DYNC2LI1: variants seen among roughly 807,000 people sequenced by gnomAD.
DYNC2LI1 encodes cytoplasmic dynein 2 light intermediate chain 1.
DYNC2LI1 carries 45 observed loss-of-function variants against 51.9 expected under a neutral mutation model. The observed-to-expected ratio is 0.87, with a 90% CI of 0.68 to 1.11. The LOEUF is 1.11. Among genes scored for constraint, DYNC2LI1 ranks in the 50% most tolerant of loss-of-function variants. The probability of loss-of-function intolerance (pLI) is 0.00; values close to 1 mark genes in which losing one functional copy is unlikely to be tolerated. For missense variants in DYNC2LI1, 490 were observed against 417.4 expected (o/e 1.17, Z -1.51); for synonymous variants, 130 against 137.8 (o/e 0.94, Z 0.40).
chr2:43,806,336 T>G (rs1157169089), intron 12 of DYNC2LI1, among the ~76,000 whole-genome samples: 1 of 152,232 alleles, frequency 6.6e-6, no homozygotes, highest in African/African-American at 2.4e-5. Flanking sequence ...GTCACGTTGT[T>G]GCGAGGGTAA....
At chr2:43,788,690 G>A (rs541612617) in intron 4 of DYNC2LI1, among the ~76,000 whole-genome samples, 2 of 152,276 alleles carry the variant, frequency 1.3e-5, no homozygotes, top group East Asian at 3.9e-4. Context: ...CAGGATCATA[G>A]CTCATGGCAG....
chr2:43,780,115 C>T (rs148196196), intron 2 of DYNC2LI1, among the ~76,000 whole-genome samples: 1 of 152,118 alleles, frequency 6.6e-6, no homozygotes, highest in Non-Finnish European at 1.5e-5. Context: ...TGTCAATGGA[C>T]ATTTGAGACC....
chr2:43,793,086 C>T (rs1473999358), intron 5 of DYNC2LI1: 1 of 220,954 alleles, frequency 4.5e-6, no homozygotes, highest in East Asian at 1.2e-4. Context: ...TACTATTTTA[C>T]ACAGTGGCTG....
intron 5 of DYNC2LI1, among the ~76,000 whole-genome samples, chr2:43,790,634 C>G (rs886562335): frequency 6.6e-5 from 10 of 151,304 alleles, no homozygotes; most frequent in Non-Finnish European, 1.3e-4. Context: ...TGTAAAAATA[C>G]TGAAAGACAC....
At chr2:43,808,653 A>G (rs1180967114) in intron 12 of DYNC2LI1, among the ~76,000 whole-genome samples, 1 of 152,222 alleles carries the variant, frequency 6.6e-6, no homozygotes, top group African/African-American at 2.4e-5. Context: ...ACTCCTTGTG[A>G]AAAAATTCAA....
Position 43,800,893 on chromosome 2 carries a change from A to T in DYNC2LI1, c.707A>T (p.Gln236Leu). 6.2e-7 allele frequency: 1 copy of T among 1,605,402 alleles called. No homozygotes were observed. The highest frequency in any genetic ancestry group is 8.5e-7 in the Non-Finnish European group (1 of 1,175,248). The change falls in exon 9 of 13, where the codon CAG (glutamine) becomes CTG (leucine). Residue 236 changes from glutamine to leucine, a missense_variant. Physicochemically the swap from Gln to Leu is moderately radical, Grantham distance 113 (BLOSUM62 -2). Coordinates refer to ENST00000260605, the MANE Select transcript of DYNC2LI1 (RefSeq NM_016008.4). ...CTAAAAATACGTGGAGTTATCAACC[A>T]GTTGGCATTTGGCATTGACAAAAGG... ...LLLKIRGVIN[Q>L]LAFGIDKSKS... is the part of the protein sequence containing the mutation.
At chr2:43,815,307 T>G in the DYNC2LI1 span, among the ~76,000 whole-genome samples, 1 of 152,226 alleles carries the variant, frequency 6.6e-6, no homozygotes, top group Non-Finnish European at 1.5e-5. Flanking sequence ...AAATTCTTTC[T>G]GTTTGCAAGG....
chr2:43,795,220 G>C (rs958592818), intron 6 of DYNC2LI1: 1 of 985,980 alleles, frequency 1.0e-6, no homozygotes, highest in African/African-American at 1.7e-5. Flanking sequence ...TTATAAGAAA[G>C]TGTAGCAGGG....
intron 9 of DYNC2LI1, 123 bp from the exon 10 acceptor site, chr2:43,801,516 G>A (rs1396228875): frequency 3.3e-6 from 2 of 598,700 alleles, no homozygotes; most frequent in Admixed American, 3.1e-5. Flanking sequence ...TTCATTCGGG[G>A]CAATGCTCTC....
At chr2:43,824,972 C>A in the DYNC2LI1 span, 1 of 1,614,010 alleles carries the variant, frequency 6.2e-7, no homozygotes, top group East Asian at 2.2e-5. Flanking sequence ...TGGCGTGCCA[C>A]AGAAAATCAG....
chr2:43,827,841 G>C, the DYNC2LI1 span: 1 of 1,333,900 alleles, frequency 7.5e-7, no homozygotes, highest in Non-Finnish European at 1.0e-6. Context: ...AAAAAACTGG[G>C]TCCTCAGTTT....
chr2:43,778,585 C>T (rs1412734274), intron 2 of DYNC2LI1, among the ~76,000 whole-genome samples: 2 of 152,156 alleles, frequency 1.3e-5, no homozygotes, highest in Non-Finnish European at 2.9e-5. Flanking sequence ...GAGTAAATAA[C>T]TAGTACTAGT....
At chr2:43,826,985 C>T in the DYNC2LI1 span, among the ~76,000 whole-genome samples, 5 of 152,322 alleles carry the variant, frequency 3.3e-5, no homozygotes, top group East Asian at 5.8e-4. Flanking sequence ...GTGTGGCAGG[C>T]ATTTGGGTTC....
intron 5 of DYNC2LI1, among the ~76,000 whole-genome samples, chr2:43,789,928 G>C (rs75040165): frequency 0.046 from 6,943 of 152,246 alleles, 315 homozygotes; most frequent in African/African-American, 0.11. Context: ...AACTGAGATA[G>C]CTGACATTCC....
Position 43,809,835 on chromosome 2 carries a change from A to T in DYNC2LI1, c.*68A>T. 6.5e-7 allele frequency: 1 copy of T among 1,533,408 alleles called. No homozygotes were observed. Among genetic ancestry groups the T allele is most frequent in the Non-Finnish European group, 8.8e-7 (1 of 1,142,590 alleles). The allele number at this position is 1,533,408 out of a possible 1,614,324, so 95.0% of individuals were successfully genotyped here. ...ACAAATAAGATTATACTGTGAATTA[A>T]CTATTGTGGCAATATGTGAAGAAAG... On this transcript the variant is annotated 3_prime_UTR_variant, in exon 13 of 13. Transcript: ENST00000260605.
intron 10 of DYNC2LI1, among the ~76,000 whole-genome samples, chr2:43,802,045 T>G (rs2104710042): frequency 6.6e-6 from 1 of 152,022 alleles, no homozygotes; most frequent in South Asian, 2.1e-4. Context: ...GAGCATAGAG[T>G]AGTGAGGAAA....
intron 3 of DYNC2LI1, among the ~76,000 whole-genome samples, chr2:43,786,340 A>G (rs1673519001): frequency 6.6e-6 from 1 of 152,112 alleles, no homozygotes; most frequent in South Asian, 2.1e-4. Flanking sequence ...TTGGGACTAC[A>G]GACATGTGCT....
rs527975468 is a variant in DYNC2LI1 at position 43,786,844 on chromosome 2, C to CA, written c.162-328dup. Among the ~76,000 whole-genome samples, 39 of 150,682 alleles carry CA rather than the reference C, an allele frequency of 2.6e-4. 1 individual carries two copies. The highest frequency in any genetic ancestry group is 1.5e-3 in the South Asian group (7 of 4,752). Reference sequence around the variant, plus strand: ...CCATCTCAAAAAAACAAAAACAAAACAAAAAAAAACACCCAGTGTCAGTGC... The same window carrying CA: ...CCATCTCAAAAAAACAAAAACAAAACAAAAAAAAAACACCCAGTGTCAGTGC... On this transcript the variant is annotated intron_variant, in intron 3 of 12. Coordinates refer to ENST00000260605, the MANE Select transcript of DYNC2LI1 (RefSeq NM_016008.4).
the DYNC2LI1 span, chr2:43,824,856 AT>A: frequency 6.2e-7 from 1 of 1,612,522 alleles, no homozygotes; most frequent in South Asian, 1.1e-5. Flanking sequence ...TTTAAAAAAC[AT>A]TCATGATGGG....
Sources: allele counts gnomAD v4.1 joint callset (sites outside exome capture counted in the v4.1 genomes callset), GRCh38; gene constraint gnomAD v4.1.1; transcripts MANE v1.5; gene names NCBI Gene and HGNC (gene_info 2026-07-23, HGNC 2026-07-21).